Variants in KIRREL3 observed in about 807,000 individuals in gnomAD.
KIRREL3 encodes kin of IRRE-like protein 3.
A neutral mutation model predicts 89.7 loss-of-function variants in KIRREL3; 36 were observed. The ratio of observed to expected loss-of-function variants is 0.40; its 90% CI spans 0.31 to 0.53. The LOEUF is 0.53. KIRREL3 is among the 20% of genes least tolerant of loss of function. KIRREL3 has a pLI of 0.49. For synonymous variants in KIRREL3, 445 were observed against 441.4 expected (o/e 1.01, Z -0.10); for missense variants, 864 against 1,056.6 (o/e 0.82, Z 2.53).
At position 126,561,012 on chromosome 11, in the gene KIRREL3, C is replaced by G. The variant is rs921732061; in HGVS notation, c.133+1823G>C. The stretch of plus-strand genomic sequence containing the variant: ...TGAGATAATTATAAATATAAAACAG[C>G]TCCGCATGCTTTCTGATGCCTTTCT... On this transcript the variant is annotated intron_variant, in intron 2 of 16. Transcript: ENST00000525144. This position sits in a 1 kb window ranked among gnomAD's most constrained non-coding sequence, Gnocchi z 4.5. Among the ~76,000 whole-genome samples the G allele has an allele frequency of 6.6e-6, 1 of 152,164 alleles. No individual in the cohort carries two copies. Among genetic ancestry groups the G allele is most frequent in the African/African-American group, 2.4e-5 (1 of 41,432 alleles).
Position 126,780,689 on chromosome 11 carries a change from C to T in KIRREL3, c.56-217777G>A, listed in dbSNP as rs1326544582. 6.6e-6 allele frequency among the ~76,000 whole-genome samples: 1 copy of T among 152,200 alleles called. No individual in the cohort carries two copies. Among genetic ancestry groups the T allele is most frequent in the African/African-American group, 2.4e-5 (1 of 41,446 alleles). On this transcript the variant is annotated intron_variant, in intron 1 of 16. Transcript: ENST00000525144. The surrounding 1 kb of genome is among the most constrained non-coding windows in gnomAD (Gnocchi z 5.3). ...CTCCTTGAGACACAAGCCAGGCCAC[C>T]TGTGCTAGGCTGGCAGGTGTATCCA...
intron 1 of KIRREL3, among the ~76,000 whole-genome samples, chr11:126,853,433 T>G (rs1944405779): frequency 6.6e-6 from 1 of 152,220 alleles, no homozygotes; most frequent in South Asian, 2.1e-4. Context: ...TTTATCTAAC[T>G]TCAATCTCCA....
chr11:126,718,451 C>T (rs775685232), intron 1 of KIRREL3, among the ~76,000 whole-genome samples: 26 of 152,180 alleles, frequency 1.7e-4, no homozygotes, highest in Non-Finnish European at 2.4e-4. Context: ...AATATAAGGA[C>T]GAGGGTGTTT....
rs1467689887 is a variant in KIRREL3 at position 126,656,195 on chromosome 11, C to G, written c.56-93283G>C. The G allele has an allele frequency of 2.2e-6, 1 of 456,154 alleles. No homozygotes were observed. Among genetic ancestry groups the G allele is most frequent in the South Asian group, 1.5e-5 (1 of 64,538 alleles). 28.3% of individuals were successfully genotyped at this position (456,154 alleles called of 1,614,324 possible). ...AGGTGAGTGAGGTCAGGGAGGGCTA[C>G]AGAGTTAGGACTCCGAAGTCAGAAA... On this transcript the variant is annotated intron_variant, in intron 1 of 16. Coordinates refer to ENST00000525144, the MANE Select transcript of KIRREL3 (RefSeq NM_032531.4). The surrounding 1 kb of genome is among the most constrained non-coding windows in gnomAD (Gnocchi z 4.0).
At chr11:126,920,778 G>A (rs762479665) in intron 1 of KIRREL3, among the ~76,000 whole-genome samples, 4 of 151,978 alleles carry the variant, frequency 2.6e-5, no homozygotes, top group Admixed American at 1.3e-4. Flanking sequence ...TTACATCCTC[G>A]TCCTAACATC....
rs1957539637 is a variant in KIRREL3 at position 126,492,240 on chromosome 11, T to A, written c.434-18774A>T. On this transcript the variant is annotated intron_variant, in intron 4 of 16. Transcript: ENST00000525144. The surrounding 1 kb of genome is among the most constrained non-coding windows in gnomAD (Gnocchi z 4.8). ...CAGCGTGAGGGAGTGAGGTTAGACATCTGGAAGAACTGTTGTTGGAGACAC... is the reference window on the plus strand; with the variant it reads ...CAGCGTGAGGGAGTGAGGTTAGACAACTGGAAGAACTGTTGTTGGAGACAC... Among the ~76,000 whole-genome samples the A allele has an allele frequency of 6.6e-6, 1 of 152,088 alleles. No individual in the cohort carries two copies. Among genetic ancestry groups the A allele is most frequent in the African/African-American group, 2.4e-5 (1 of 41,398 alleles).
At chr11:126,598,533 G>A (rs1396597056) in intron 1 of KIRREL3, among the ~76,000 whole-genome samples, 2 of 152,156 alleles carry the variant, frequency 1.3e-5, no homozygotes, top group African/African-American at 4.8e-5. Context: ...TGCCTGAAAT[G>A]TGGGGCTGAT....
In KIRREL3 at chr11:126,673,742, G is replaced by T. The variant is rs571960662; in HGVS notation, c.56-110830C>A. 1.5e-4 allele frequency among the ~76,000 whole-genome samples: 23 copies of T among 152,334 alleles called. No individual in the cohort carries two copies. In the East Asian group the frequency reaches 3.7e-3, roughly 24 times the overall value. On this transcript the variant is annotated intron_variant, in intron 1 of 16. Transcript: ENST00000525144. ...TAATTCAGGAAAAAGTCTAGGTTGG[G>T]TCTGTAAGATCTTCCTCCACTGAGA...
At chr11:126,753,043 C>A (rs112420168) in intron 1 of KIRREL3, among the ~76,000 whole-genome samples, 2 of 152,278 alleles carry the variant, frequency 1.3e-5, no homozygotes, top group South Asian at 4.1e-4. Context: ...GACATAAGCC[C>A]TCCACAAATA....
At chr11:126,821,645 G>C (rs954639664) in intron 1 of KIRREL3, among the ~76,000 whole-genome samples, 16 of 151,960 alleles carry the variant, frequency 1.1e-4, no homozygotes, top group Admixed American at 2.6e-4. Context: ...TGGGAATTAA[G>C]TTGCAGATGA....
In KIRREL3 at chr11:126,948,546, G is replaced by A. The variant is rs2135138685; in HGVS notation, c.55+51909C>T. On this transcript the variant is annotated intron_variant, in intron 1 of 16. Transcript: ENST00000525144. The surrounding 1 kb of genome is among the most constrained non-coding windows in gnomAD (Gnocchi z 4.5). ...AGGGTTATGAGATCAAGAAAACTAT[G>A]AGGGATTTTAGGCTTCCCAAAAAGC... Among the ~76,000 whole-genome samples the A allele has an allele frequency of 1.3e-5, 2 of 152,304 alleles. 1 individual carries two copies. The highest frequency in any genetic ancestry group is 4.1e-4 in the South Asian group (2 of 4,826).
intron 1 of KIRREL3, among the ~76,000 whole-genome samples, chr11:126,798,512 A>T (rs1220785676): frequency 6.6e-6 from 1 of 152,240 alleles, no homozygotes; most frequent in Non-Finnish European, 1.5e-5. Flanking sequence ...CATTAGGAAA[A>T]GCAAAACATT....
At chr11:126,654,633 G>T (rs377522062) in intron 1 of KIRREL3, among the ~76,000 whole-genome samples, 1 of 152,064 alleles carries the variant, frequency 6.6e-6, no homozygotes, top group Non-Finnish European at 1.5e-5. Context: ...TCCTGCATCT[G>T]TCTGGAGGGG....
chr11:126,929,051 C>A (rs781367465), intron 1 of KIRREL3, among the ~76,000 whole-genome samples: 18 of 152,252 alleles, frequency 1.2e-4, no homozygotes, highest in Non-Finnish European at 2.5e-4. Flanking sequence ...GATGTACATA[C>A]CCCTTAGGAG....
At chr11:126,625,530 C>G (rs1287410602) in intron 1 of KIRREL3, among the ~76,000 whole-genome samples, 1 of 152,160 alleles carries the variant, frequency 6.6e-6, no homozygotes. Context: ...CAAATCCAAT[C>G]TTGTCACTCC....
intron 1 of KIRREL3, among the ~76,000 whole-genome samples, chr11:126,630,975 C>T (rs768827728): frequency 8.5e-5 from 13 of 152,192 alleles, no homozygotes; most frequent in Non-Finnish European, 1.6e-4. Flanking sequence ...CTCCTTGACA[C>T]GTCCTGCCTA....
intron 1 of KIRREL3, among the ~76,000 whole-genome samples, chr11:126,979,609 G>A (rs950003987): frequency 6.6e-6 from 1 of 152,116 alleles, no homozygotes; most frequent in Non-Finnish European, 1.5e-5. Flanking sequence ...CTTTCGTTTT[G>A]GCTCTATTAT....
rs1280628333 is a variant in KIRREL3 at position 126,750,640 on chromosome 11, G to T, written c.56-187728C>A. On this transcript the variant is annotated intron_variant, in intron 1 of 16. Coordinates refer to ENST00000525144, the MANE Select transcript of KIRREL3 (RefSeq NM_032531.4). This position sits in a 1 kb window ranked among gnomAD's most constrained non-coding sequence, Gnocchi z 4.2. ...ATCAACCTGTGTTGCCAATCATTCT[G>T]CTGTGTGATTTACAAATGCCATCTA... is the stretch of plus-strand genomic sequence containing the variant. Among the ~76,000 whole-genome samples, 1 of 152,344 alleles carries T rather than the reference G, an allele frequency of 6.6e-6. No homozygotes were observed. Among genetic ancestry groups the T allele is most frequent in the Non-Finnish European group, 1.5e-5 (1 of 68,036 alleles).
intron 1 of KIRREL3, among the ~76,000 whole-genome samples, chr11:126,998,019 C>T (rs1256850971): frequency 6.6e-6 from 1 of 151,974 alleles, no homozygotes; most frequent in Non-Finnish European, 1.5e-5. Flanking sequence ...TAACCTCAGG[C>T]CTCATTCTGG....
Sources: allele counts gnomAD v4.1 joint callset (sites outside exome capture counted in the v4.1 genomes callset), GRCh38; gene constraint gnomAD v4.1.1; non-coding constraint Gnocchi (gnomAD v3.1); transcripts MANE v1.5; gene names NCBI Gene and HGNC (gene_info 2026-07-23, HGNC 2026-07-21).